LIMCH1: variants seen among roughly 807,000 people sequenced by gnomAD.
The protein encoded by LIMCH1 is LIM and calponin homology domains-containing protein 1.
Under a neutral mutation model 176.5 loss-of-function variants are expected in LIMCH1, and 113 were observed. The ratio of observed to expected loss-of-function variants is 0.64; its 90% confidence interval spans 0.55 to 0.75. LIMCH1 has a LOEUF of 0.75. Among genes scored for constraint, LIMCH1 ranks in the 30% least tolerant of loss-of-function variants. The probability of loss-of-function intolerance (pLI) is 0.00; values close to 1 mark genes in which losing one functional copy is unlikely to be tolerated. For missense variants in LIMCH1, 1,674 were observed against 1,814.9 expected (o/e 0.92, Z 1.41); for synonymous variants, 619 against 645.9 (o/e 0.96, Z 0.63).
At chr4:41,613,768 C>T in intron 5 of LIMCH1, 107 bp downstream of exon 5, 3 of 899,918 alleles carry the variant, frequency 3.3e-6, no homozygotes, top group Non-Finnish European at 5.2e-6. Context: ...TCCATATCCA[C>T]CTTGCCGGAA....
At chr4:41,673,157 C>T (rs1490722998) in intron 22 of LIMCH1, among the ~76,000 whole-genome samples, 1 of 152,144 alleles carries the variant, frequency 6.6e-6, no homozygotes, top group African/African-American at 2.4e-5. Flanking sequence ...TCCCCAGCCA[C>T]AGTACAAAAC....
chr4:41,559,469 A>G (rs566640088), intron 1 of LIMCH1, among the ~76,000 whole-genome samples: 1 of 151,982 alleles, frequency 6.6e-6, no homozygotes, highest in Non-Finnish European at 1.5e-5. Context: ...CTACAAACCT[A>G]CTAAGCCCTC....
At chr4:41,552,863 A>T (rs1054444672) in intron 1 of LIMCH1, among the ~76,000 whole-genome samples, 28 of 152,198 alleles carry the variant, frequency 1.8e-4, no homozygotes, top group African/African-American at 6.3e-4. Flanking sequence ...CTGAAAGTTC[A>T]GTTTCATGGC....
chr4:41,545,846 C>G (rs543543750), intron 1 of LIMCH1, among the ~76,000 whole-genome samples: 6 of 152,124 alleles, frequency 3.9e-5, no homozygotes, highest in African/African-American at 1.4e-4. Context: ...ATATCCATTT[C>G]GTTTCATACT....
chr4:41,674,851 A>G (rs1326231250), intron 22 of LIMCH1, among the ~76,000 whole-genome samples: 1 of 152,190 alleles, frequency 6.6e-6, no homozygotes, highest in Admixed American at 6.5e-5. Context: ...TACCAACTCC[A>G]TATTGCTTTT....
intron 2 of LIMCH1, among the ~76,000 whole-genome samples, chr4:41,506,886 G>C (rs1305708243): frequency 1.3e-5 from 2 of 152,066 alleles, no homozygotes; most frequent in Non-Finnish European, 1.5e-5. Flanking sequence ...AGATAATACA[G>C]ACTACACAGG....
At chr4:41,612,352 T>C in intron 4 of LIMCH1, 2 of 562,960 alleles carry the variant, frequency 3.6e-6, no homozygotes. Context: ...ATTTTTCCTT[T>C]CTATTGGGAA....
chr4:41,416,045 G>C (rs984832697), intron 1 of LIMCH1, among the ~76,000 whole-genome samples: 1 of 151,970 alleles, frequency 6.6e-6, no homozygotes, highest in African/African-American at 2.4e-5. Context: ...TTTATGTATA[G>C]TACTCAGGCT....
At chr4:41,554,474 T>C (rs2080967008) in intron 1 of LIMCH1, among the ~76,000 whole-genome samples, 1 of 152,156 alleles carries the variant, frequency 6.6e-6, no homozygotes, top group African/African-American at 2.4e-5. Flanking sequence ...CTTCCTAAAA[T>C]GTGCACTCAG....
chr4:41,613,132 C>A (rs2091651494), intron 4 of LIMCH1: 1 of 1,512,382 alleles, frequency 6.6e-7, no homozygotes, highest in Non-Finnish European at 9.0e-7. Context: ...TTGTTTTGAA[C>A]TATCATTGTA....
intron 15 of LIMCH1, among the ~76,000 whole-genome samples, chr4:41,645,340 A>C (rs2094012146): frequency 6.6e-6 from 1 of 152,248 alleles, no homozygotes; most frequent in Non-Finnish European, 1.5e-5. Context: ...AAGTTCATAA[A>C]ATATAGTAAC....
intron 1 of LIMCH1, among the ~76,000 whole-genome samples, chr4:41,555,397 C>G (rs535590138): frequency 6.6e-6 from 1 of 152,170 alleles, no homozygotes; most frequent in African/African-American, 2.4e-5. Flanking sequence ...TAGTTGACCG[C>G]CTTCCATTGG....
intron 4 of LIMCH1, among the ~76,000 whole-genome samples, chr4:41,607,388 G>A (rs1289620251): frequency 6.6e-6 from 1 of 152,248 alleles, no homozygotes; most frequent in Non-Finnish European, 1.5e-5. Flanking sequence ...ACATACACAA[G>A]GTACTTTAAG....
At chr4:41,481,574 A>G (rs1168251428) in intron 1 of LIMCH1, among the ~76,000 whole-genome samples, 1 of 152,212 alleles carries the variant, frequency 6.6e-6, no homozygotes, top group African/African-American at 2.4e-5. Flanking sequence ...GAGTGGAAGC[A>G]GAGAGATCCC....
chr4:41,638,362 G>A (rs2093685036), intron 13 of LIMCH1, among the ~76,000 whole-genome samples: 1 of 152,154 alleles, frequency 6.6e-6, no homozygotes, highest in African/African-American at 2.4e-5. Flanking sequence ...AGGAATTGTG[G>A]TTTCTGTCAA....
At chr4:41,631,065 G>A in intron 9 of LIMCH1, 83 bp from the exon 10 acceptor site, 1 of 1,006,664 alleles carries the variant, frequency 9.9e-7, no homozygotes, top group Non-Finnish European at 1.3e-6. Context: ...ACTACTTCTA[G>A]TTTTTTTTTT....
chr4:41,696,342 G>A (rs1009621756), intron 31 of LIMCH1, among the ~76,000 whole-genome samples: 1 of 152,102 alleles, frequency 6.6e-6, no homozygotes, highest in African/African-American at 2.4e-5. Context: ...CTTGTGAAAC[G>A]CATTTAATGC....
chr4:41,509,096 C>T (rs1161776591), intron 2 of LIMCH1, among the ~76,000 whole-genome samples: 1 of 152,032 alleles, frequency 6.6e-6, no homozygotes, highest in Non-Finnish European at 1.5e-5. Context: ...CTGTTCAGAG[C>T]GAAAGGGGGT....
chr4:41,471,606 C>T (rs1434853819), intron 1 of LIMCH1, among the ~76,000 whole-genome samples: 2 of 152,116 alleles, frequency 1.3e-5, no homozygotes, highest in Admixed American at 6.5e-5. Flanking sequence ...AAGTATCCAG[C>T]GTTTATCCTC....
Sources: allele counts gnomAD v4.1 joint callset (sites outside exome capture counted in the v4.1 genomes callset), GRCh38; gene constraint gnomAD v4.1.1; transcripts MANE v1.5; gene names NCBI Gene and HGNC (gene_info 2026-07-23, HGNC 2026-07-21).